EFR3B: variants seen among roughly 807,000 people sequenced by gnomAD.
EFR3B encodes the protein EFR3 homolog B.
Under a neutral mutation model 104.7 loss-of-function variants are expected in EFR3B, and 64 were observed. The observed-to-expected ratio is 0.61, with a 90% CI of 0.50 to 0.75. The LOEUF (loss-of-function observed/expected upper bound fraction) is 0.75, where lower values mean the gene tolerates loss of function less well. Among genes scored for constraint, EFR3B ranks in the 30% least tolerant of loss-of-function variants. The pLI is 0.00. For missense variants in EFR3B, 750 were observed against 1,078.5 expected, an observed-to-expected ratio of 0.70 and a Z score of 4.27; for synonymous variants, 385 against 417.9, an observed-to-expected ratio of 0.92 and a Z score of 0.96.
chr2:25,046,215 G>A (rs1403525301), intron 1 of EFR3B, among the ~76,000 whole-genome samples: 4 of 151,956 alleles, frequency 2.6e-5, no homozygotes, highest in Non-Finnish European at 4.4e-5. Context: ...GTGAAACCCC[G>A]TCTCTACTAA....
intron 1 of EFR3B, chr2:25,080,656 G>A (rs1668777553): frequency 1.1e-5 from 7 of 640,358 alleles, no homozygotes; most frequent in Admixed American, 5.8e-5. Flanking sequence ...TAGACAGTCT[G>A]TATTTCCTTT....
intron 1 of EFR3B, chr2:25,081,467 A>G (rs1668804895): frequency 6.9e-7 from 1 of 1,442,464 alleles, no homozygotes. Context: ...TTTGCCACAT[A>G]TCCTTTGGAA....
chr2:25,153,286 A>G (rs1302856637), intron 21 of EFR3B, among the ~76,000 whole-genome samples: 1 of 152,100 alleles, frequency 6.6e-6, no homozygotes, highest in East Asian at 1.9e-4. Context: ...CCCAGGAGGT[A>G]GAGGTTGCAG....
intron 4 of EFR3B, among the ~76,000 whole-genome samples, chr2:25,115,791 G>A (rs1451691503): frequency 1.3e-5 from 2 of 152,238 alleles, no homozygotes; most frequent in African/African-American, 2.4e-5. Flanking sequence ...AGCTAACACT[G>A]ACGTGTTAAG....
chr2:25,086,062 T>C lies in EFR3B; in HGVS notation c.8-5263T>C, dbSNP rs547676165. ...GATTGGCTTCTTTCCCTTAGTAATA[T>C]ACATTTAAGTTTCCTCCATGTCTTT... On this transcript the variant is annotated intron_variant, in intron 1 of 22. Transcript: ENST00000403714. 1.6e-4 allele frequency among the ~76,000 whole-genome samples: 24 copies of C among 152,258 alleles called. No homozygotes were observed. In the South Asian group the frequency reaches 2.7e-3, roughly 17 times the overall value.
chr2:25,153,810 T>C (rs12472851), intron 22 of EFR3B, 49 bp downstream of exon 22: 2 of 1,538,532 alleles, frequency 1.3e-6, no homozygotes, highest in Non-Finnish European at 1.8e-6. Context: ...GGCCCAGTAT[T>C]GGGGTTCCTC....
chr2:25,156,302 T>TG lies in EFR3B; in HGVS notation c.*1962_*1963insG, dbSNP rs1553399119. The TG allele has an allele frequency of 7.2e-6, 1 of 138,672 alleles. No individual in the cohort carries two copies. The highest frequency in any genetic ancestry group is 1.6e-5 in the Non-Finnish European group (1 of 64,366). The allele number at this position is 138,672 out of a possible 1,614,324, so 8.6% of individuals were successfully genotyped here. A position where few individuals can be genotyped will look rare whatever the true frequency, so the allele number is the denominator to read the frequency against. ...GCTTCTTTTTCTTGTTTTTTTTTTT[T>TG]TTTTTTTTTTTTTGAGACACCGTCT... On this transcript the variant is annotated 3_prime_UTR_variant, in exon 23 of 23. Coordinates refer to ENST00000403714, the MANE Select transcript of EFR3B (RefSeq NM_014971.2).
intron 20 of EFR3B, among the ~76,000 whole-genome samples, chr2:25,150,444 CT>C (rs1353447982): frequency 2.0e-5 from 3 of 151,980 alleles, no homozygotes; most frequent in Non-Finnish European, 4.4e-5. Flanking sequence ...ATATGAATGT[CT>C]ATTTAATAAG....
At chr2:25,053,343 C>G (rs530514788) in intron 1 of EFR3B, among the ~76,000 whole-genome samples, 1 of 152,296 alleles carries the variant, frequency 6.6e-6, no homozygotes, top group Non-Finnish European at 1.5e-5. Context: ...TCCTGAGAGA[C>G]AGGCCAGAGA....
intron 6 of EFR3B, among the ~76,000 whole-genome samples, chr2:25,129,325 CG>C (rs1175582866): frequency 2.5e-4 from 3 of 12,194 alleles, no homozygotes; most frequent in Non-Finnish European, 3.3e-4. Flanking sequence ...TCGACGGGGG[CG>C]GGGGCGGGGG....
Position 25,141,408 on chromosome 2 carries a change from G to C in EFR3B, c.1897G>C (p.Glu633Gln), listed in dbSNP as rs569363896. ...GAAAGAGGCTCCATACATGCTCCCC[G>C]AGGATGTGTTTGTGGAGAGGCCCAG... is the stretch of plus-strand genomic sequence containing the variant. ...RKKEAPYMLP[E>Q]DVFVERPRLS... is the part of the protein sequence containing the mutation. The change falls in exon 17 of 23, where the codon GAG (glutamate) becomes CAG (glutamine). Residue 633 changes from glutamate (E) to glutamine (Q), a missense_variant. Glu to Gln is a conservative substitution (Grantham distance 29, BLOSUM62 2). Transcript: ENST00000403714. 2 of 1,551,544 alleles carry C rather than the reference G, an allele frequency of 1.3e-6. No homozygotes were observed. The highest frequency in any genetic ancestry group is 1.7e-6 in the Non-Finnish European group (2 of 1,146,916).
chr2:25,123,699 C>T (rs57794904), intron 5 of EFR3B, among the ~76,000 whole-genome samples: 30,343 of 152,254 alleles, frequency 0.2, 3,799 homozygotes, highest in Admixed American at 0.37. Flanking sequence ...AGGACCATGG[C>T]CACATATGTC....
intron 21 of EFR3B, among the ~76,000 whole-genome samples, chr2:25,152,947 C>A (rs982079093): frequency 6.6e-6 from 1 of 152,094 alleles, no homozygotes; most frequent in Non-Finnish European, 1.5e-5. Flanking sequence ...GGCCCAGTCA[C>A]GGAACACGTG....
In EFR3B at chr2:25,128,285, C is replaced by A. The variant is rs1323938472; in HGVS notation, c.588C>A (p.Ile196=). 12 of 1,551,692 alleles carry A rather than the reference C, an allele frequency of 7.7e-6. No homozygotes were observed. Among genetic ancestry groups the A allele is most frequent in the Non-Finnish European group, 8.7e-6 (10 of 1,147,052 alleles). ...NIWDPQHMDK[I]VPSLLFNLQH... is the part of the protein sequence containing the mutation. ...GGGACCCACAGCACATGGATAAGAT[C>A]GTTCCATCACTGCTTTTCAATCTAC... The change falls in exon 6 of 23, where the codon ATC becomes ATA. Residue 196 remains isoleucine (I), a synonymous_variant. Transcript: ENST00000403714.
chr2:25,049,558 G>T (rs1667809579), intron 1 of EFR3B, among the ~76,000 whole-genome samples: 1 of 152,186 alleles, frequency 6.6e-6, no homozygotes, highest in Non-Finnish European at 1.5e-5. Context: ...TTTGCACGGT[G>T]GAATGGAGTT....
intron 1 of EFR3B, among the ~76,000 whole-genome samples, chr2:25,073,199 C>T (rs60520192): frequency 0.021 from 3,251 of 152,206 alleles, 111 homozygotes; most frequent in African/African-American, 0.074. Flanking sequence ...AGCACACACT[C>T]GGTGTTTTGC....
intron 4 of EFR3B, among the ~76,000 whole-genome samples, chr2:25,104,685 A>G (rs150812834): frequency 6.6e-6 from 1 of 152,360 alleles, no homozygotes; most frequent in Non-Finnish European, 1.5e-5. Context: ...CAAAGGTACC[A>G]GATCAGTGGA....
At position 25,042,262 on chromosome 2, in the gene EFR3B, TG is replaced by T; in HGVS notation, c.-48del. The T allele has an allele frequency of 7.6e-7, 1 of 1,309,596 alleles. No homozygotes were observed. Among genetic ancestry groups the T allele is most frequent in the Non-Finnish European group, 9.7e-7 (1 of 1,029,416 alleles). The allele number at this position is 1,309,596 out of a possible 1,614,324, so 81.1% of individuals were successfully genotyped here. ...AAGGCGGGCGCCGCCGAGGGCTGGC[TG>T]GGAACGCCGCAGCGACGCCGGCCTC... is the stretch of plus-strand genomic sequence containing the variant. On this transcript the variant is annotated 5_prime_UTR_variant, in exon 1 of 23. Transcript: ENST00000403714. This position sits in a 1 kb window ranked among gnomAD's most constrained non-coding sequence, Gnocchi z 5.4.
chr2:25,066,301 C>CTT (rs1480952456), intron 1 of EFR3B, among the ~76,000 whole-genome samples: 1 of 152,186 alleles, frequency 6.6e-6, no homozygotes, highest in Non-Finnish European at 1.5e-5. Flanking sequence ...CTTACGCATT[C>CTT]TAAGAGCACA....
Sources: gnomAD v4.1 joint callset for allele counts (sites outside exome capture counted in the v4.1 genomes callset) on GRCh38, gnomAD v4.1.1 for gene constraint, Gnocchi (gnomAD v3.1) non-coding constraint, MANE v1.5 for transcripts, NCBI Gene and HGNC (gene_info 2026-07-23, HGNC 2026-07-21) for gene names.